TESC: variants seen among roughly 807,000 people sequenced by gnomAD.
TESC encodes the protein tescalcin.
In TESC, 19 loss-of-function variants were observed where a neutral mutation model predicts 31.0. The observed-to-expected ratio is 0.61, with a 90% CI of 0.43 to 0.90. The LOEUF (loss-of-function observed/expected upper bound fraction) is 0.90. Ranked by LOEUF, TESC falls within the 40% of genes least tolerant of loss-of-function variation. The pLI, the probability that TESC is intolerant of heterozygous loss-of-function variation, is 0.00. For missense variants in TESC, 248 were observed against 303.8 expected (o/e 0.82, Z 1.36); for synonymous variants, 109 against 114.8 (o/e 0.95, Z 0.32).
intron 1 of TESC, among the ~76,000 whole-genome samples, chr12:117,089,535 A>G (rs892866774): frequency 5.3e-5 from 8 of 152,204 alleles, no homozygotes; most frequent in African/African-American, 1.9e-4. Flanking sequence ...ATTACAAACA[A>G]TGGAAGAACC....
Position 117,038,949 on chromosome 12 carries a change from T to TC in TESC, c.*183_*184insG. On this transcript the variant is annotated 3_prime_UTR_variant, in exon 8 of 8. Coordinates refer to ENST00000335209, the MANE Select transcript of TESC (RefSeq NM_017899.4). ...TAATTAACAAACCTTTTTTTTTTTT[T>TC]TATTGGAGATAAAAACAGCGAAGTC... 1.8e-6 allele frequency: 1 copy of TC among 560,248 alleles called. No homozygotes were observed. The highest frequency in any genetic ancestry group is 3.1e-6 in the Non-Finnish European group (1 of 322,158). 34.7% of individuals were successfully genotyped at this position (560,248 alleles called of 1,614,324 possible). A position where few individuals can be genotyped will look rare whatever the true frequency, so the allele number is the denominator to read the frequency against.
chr12:117,042,631 T>C (rs1428158395), intron 6 of TESC, among the ~76,000 whole-genome samples: 6 of 152,212 alleles, frequency 3.9e-5, no homozygotes, highest in African/African-American at 1.4e-4. Context: ...GGTTTGGCGA[T>C]GCCAGTCTCC....
chr12:117,081,209 T>C (rs1214023523), intron 1 of TESC, among the ~76,000 whole-genome samples: 1 of 152,120 alleles, frequency 6.6e-6, no homozygotes, highest in Non-Finnish European at 1.5e-5. Context: ...CAGACTGAGA[T>C]GGGCTGAAGT....
At chr12:117,075,871 GTGTGTATATA>G (rs1955050337) in intron 1 of TESC, among the ~76,000 whole-genome samples, 1 of 45,106 alleles carries the variant, frequency 2.2e-5, no homozygotes, top group African/African-American at 1.1e-4. Flanking sequence ...ATATATATAT[GTGTGTATATA>G]TATATATATA....
chr12:117,064,450 T>C (rs1954844339), intron 2 of TESC, among the ~76,000 whole-genome samples: 1 of 152,130 alleles, frequency 6.6e-6, no homozygotes, highest in Non-Finnish European at 1.5e-5. Flanking sequence ...CTCATCCCTG[T>C]CCCTGCCCCA....
intron 2 of TESC, among the ~76,000 whole-genome samples, chr12:117,066,480 T>A (rs538659430): frequency 6.6e-6 from 1 of 151,758 alleles, no homozygotes; most frequent in Admixed American, 6.6e-5. Context: ...CACGCCATTC[T>A]CCTGCCTCAG....
intron 1 of TESC, among the ~76,000 whole-genome samples, chr12:117,079,282 C>G (rs1955113416): frequency 1.3e-5 from 2 of 152,126 alleles, no homozygotes; most frequent in South Asian, 4.1e-4. Context: ...TGAGTTATGG[C>G]TGGGCGTGGT....
In TESC at chr12:117,099,252, C is replaced by G; in HGVS notation, c.31G>C (p.Val11Leu). 6.8e-7 allele frequency: 1 copy of G among 1,473,720 alleles called. No homozygotes were observed. The highest frequency in any genetic ancestry group is 8.9e-7 in the Non-Finnish European group (1 of 1,120,384). The allele number at this position is 1,473,720 out of a possible 1,614,324, so 91.3% of individuals were successfully genotyped here. A position where few individuals can be genotyped will look rare whatever the true frequency, so the allele number is the denominator to read the frequency against. MGAAHSASEE[V>L]RELEGKTGFS... ...CCGGTCTTGCCCTCGAGCTCCCGCACCTCCTCAGACGCGGAGTGGGCAGCG... is the reference window on the plus strand; with the variant it reads ...CCGGTCTTGCCCTCGAGCTCCCGCAGCTCCTCAGACGCGGAGTGGGCAGCG... The change falls in exon 1 of 8, where the codon GTG becomes CTG. Residue 11 changes from valine to leucine, a missense_variant. Physicochemically the swap from Val to Leu is conservative, Grantham distance 32. Transcript: ENST00000335209.
In TESC at chr12:117,099,382, C is replaced by A; in HGVS notation, c.-100G>T. 2 of 1,197,774 alleles carry A rather than the reference C, an allele frequency of 1.7e-6. No individual in the cohort carries two copies. Among genetic ancestry groups the A allele is most frequent in the Non-Finnish European group, 2.1e-6 (2 of 940,154 alleles). 74.2% of individuals were successfully genotyped at this position (1,197,774 alleles called of 1,614,324 possible). On this transcript the variant is annotated 5_prime_UTR_variant, in exon 1 of 8. Transcript: ENST00000335209. ...ACTGGCCTCGGGTCCGGCCTCGGGT[C>A]GGGACGCCGGCGAAGGCTCGGAGCC...
intron 3 of TESC, among the ~76,000 whole-genome samples, chr12:117,052,237 C>T (rs943064006): frequency 2.0e-5 from 3 of 152,190 alleles, no homozygotes; most frequent in Non-Finnish European, 4.4e-5. Context: ...ATGGGGCGCC[C>T]TGGAGGTGGG....
chr12:117,071,226 CATTT>C (rs1161746690), intron 2 of TESC, among the ~76,000 whole-genome samples: 1 of 152,186 alleles, frequency 6.6e-6, no homozygotes, highest in Non-Finnish European at 1.5e-5. Context: ...TTCATTCATT[CATTT>C]ATTCACTCAT....
At chr12:117,070,728 G>A (rs1954958414) in intron 2 of TESC, among the ~76,000 whole-genome samples, 1 of 152,160 alleles carries the variant, frequency 6.6e-6, no homozygotes, top group African/African-American at 2.4e-5. Flanking sequence ...TGGGGAGAGT[G>A]AGCGTCCCTA....
intron 3 of TESC, among the ~76,000 whole-genome samples, chr12:117,053,637 C>T (rs1157669017): frequency 6.6e-6 from 1 of 152,184 alleles, no homozygotes; most frequent in African/African-American, 2.4e-5. Flanking sequence ...GTTCCCTCTT[C>T]CAACTTTACA....
chr12:117,054,720 G>A (rs74344772), intron 3 of TESC, among the ~76,000 whole-genome samples: 7,739 of 152,180 alleles, frequency 0.051, 389 homozygotes, highest in South Asian at 0.16. Context: ...CAGAACCAGG[G>A]TGAGTGGTTC....
intron 7 of TESC, among the ~76,000 whole-genome samples, 184 bp downstream of exon 7, chr12:117,041,763 T>C (rs1954487064): frequency 6.6e-6 from 1 of 152,194 alleles, no homozygotes; most frequent in Admixed American, 6.5e-5. Flanking sequence ...TCCATAAAAA[T>C]AAGAAAAACC....
chr12:117,049,297 C>T, intron 3 of TESC, 139 bp from the exon 4 acceptor site: 1 of 1,256,742 alleles, frequency 8.0e-7, no homozygotes, highest in Non-Finnish European at 1.1e-6. Flanking sequence ...CGTCTGTGCC[C>T]CAAGAACCTG....
chr12:117,075,869 A>ATATATATATATG (rs1955049402), intron 1 of TESC, among the ~76,000 whole-genome samples: 1 of 31,442 alleles, frequency 3.2e-5, no homozygotes, highest in African/African-American at 8.3e-5. Flanking sequence ...ATATATATAT[A>ATATATATATATG]TGTGTGTATA....
rs889156996 is a variant in TESC at position 117,099,236 on chromosome 12, C to T, written c.47G>A (p.Gly16Asp). ...SASEEVRELEGKTGFSSDQIE... is the reference protein window; with the variant it reads ...SASEEVRELEDKTGFSSDQIE... ...CCGCGGGTACTCACAGCCGGTCTTG[C>T]CCTCGAGCTCCCGCACCTCCTCAGA... is the stretch of plus-strand genomic sequence containing the variant. The change falls in exon 1 of 8, where the codon GGC becomes GAC. Residue 16 changes from glycine (G) to aspartate (D), a missense_variant. Gly to Asp is a moderately conservative substitution (Grantham distance 94). Coordinates refer to ENST00000335209, the MANE Select transcript of TESC (RefSeq NM_017899.4). 3 of 1,479,262 alleles carry T rather than the reference C, an allele frequency of 2.0e-6. No homozygotes were observed. The highest frequency in any genetic ancestry group is 2.7e-6 in the Non-Finnish European group (3 of 1,122,884). 91.6% of individuals were successfully genotyped at this position (1,479,262 alleles called of 1,614,324 possible).
At chr12:117,090,753 C>A (rs1052446829) in intron 1 of TESC, among the ~76,000 whole-genome samples, 23 of 152,186 alleles carry the variant, frequency 1.5e-4, no homozygotes, top group African/African-American at 5.6e-4. Flanking sequence ...GGGCAAGAAC[C>A]CCCTTAGAAC....
Sources: allele counts gnomAD v4.1 joint callset (sites outside exome capture counted in the v4.1 genomes callset), GRCh38; gene constraint gnomAD v4.1.1; transcripts MANE v1.5; gene names NCBI Gene and HGNC (gene_info 2026-07-23, HGNC 2026-07-21).